Variants in ZNF618 observed in about 807,000 individuals in gnomAD.
ZNF618 encodes the protein zinc finger protein 618.
In ZNF618, 34 loss-of-function variants were observed where a neutral mutation model predicts 103.0. That is an observed-to-expected ratio of 0.33 (90% CI 0.25 to 0.44). The LOEUF (loss-of-function observed/expected upper bound fraction) is 0.44. ZNF618 is among the 20% of genes least tolerant of loss of function. ZNF618 has a pLI of 1.00. For synonymous variants in ZNF618, 551 were observed against 542.2 expected, an observed-to-expected ratio of 1.02 and a Z score of -0.23; for missense variants, 1,059 against 1,295.4, an observed-to-expected ratio of 0.82 and a Z score of 2.80.
chr9:113,944,152 G>A (rs902332738), intron 1 of ZNF618, among the ~76,000 whole-genome samples: 2 of 152,112 alleles, frequency 1.3e-5, no homozygotes, highest in Admixed American at 6.5e-5. Context: ...ATTGAAGATC[G>A]GGGAGAGGGC....
Position 114,036,365 on chromosome 9 carries a change from C to G in ZNF618, c.1234C>G (p.Gln412Glu), listed in dbSNP as rs774842876. 2 of 1,578,230 alleles carry G rather than the reference C, an allele frequency of 1.3e-6. No homozygotes were observed. The highest frequency in any genetic ancestry group is 2.3e-5 in the South Asian group (2 of 85,708). The stretch of plus-strand genomic sequence containing the variant: ...CTACAACAACCTGTTGGAGCACATG[C>G]AGTCCCATGCAGGTAAGTAGGATAC... ...QFYNNLLEHM[Q>E]SHAADNENNI... Residue 412 changes from glutamine to glutamate, a missense_variant, in exon 13 of 15, where the codon CAG (glutamine) becomes GAG (glutamate). Coordinates refer to ENST00000374126, the MANE Select transcript of ZNF618 (RefSeq NM_001318042.2).
chr9:113,998,899 T>A lies in ZNF618; in HGVS notation c.433+545T>A, dbSNP rs1588286697. Among the ~76,000 whole-genome samples the A allele has an allele frequency of 2.0e-5, 3 of 152,352 alleles. No individual in the cohort carries two copies. In the Middle Eastern group the frequency reaches 0.01, roughly 518 times the overall value. On this transcript the variant is annotated intron_variant, in intron 4 of 14. Coordinates refer to ENST00000374126, the MANE Select transcript of ZNF618 (RefSeq NM_001318042.2). ...TGCTAGTAACAGCAGCTGACCTGTA[T>A]CGTGTGCCTGCTGTGGACCAGGCCC...
intron 1 of ZNF618, among the ~76,000 whole-genome samples, chr9:113,899,570 G>A (rs1319330518): frequency 6.6e-6 from 1 of 152,180 alleles, no homozygotes; most frequent in Non-Finnish European, 1.5e-5. Context: ...CTAATGCCTG[G>A]TGATCTGAGG....
At chr9:113,959,301 T>C (rs1385821824) in intron 1 of ZNF618, among the ~76,000 whole-genome samples, 1 of 149,100 alleles carries the variant, frequency 6.7e-6, no homozygotes, top group Non-Finnish European at 1.5e-5. Context: ...AAAAAAAAAG[T>C]GTTTTAAAAA....
At chr9:113,900,525 C>T (rs1830426387) in intron 1 of ZNF618, among the ~76,000 whole-genome samples, 1 of 152,144 alleles carries the variant, frequency 6.6e-6, no homozygotes, top group African/African-American at 2.4e-5. Context: ...TGAGGTGAGG[C>T]AGCAACCCAA....
rs769247937 is a variant in ZNF618 at position 114,056,018 on chromosome 9, T to G, written c.*5851T>G. 1.1e-4 allele frequency: 17 copies of G among 152,442 alleles called. No individual in the cohort carries two copies. Among genetic ancestry groups the G allele is most frequent in the Non-Finnish European group, 1.9e-4 (13 of 68,000 alleles). The allele number at this position is 152,442 out of a possible 1,614,324, so 9.4% of individuals were successfully genotyped here. Reference sequence around the variant, plus strand: ...CCTATTGTCACACTTGCTGTGTTAATTAACAAAAGATGTTGTGTGCGGTCT... The same window carrying G: ...CCTATTGTCACACTTGCTGTGTTAAGTAACAAAAGATGTTGTGTGCGGTCT... On this transcript the variant is annotated 3_prime_UTR_variant, in exon 15 of 15. Transcript: ENST00000374126.
At chr9:113,912,415 A>G (rs894333038) in intron 1 of ZNF618, among the ~76,000 whole-genome samples, 13 of 152,214 alleles carry the variant, frequency 8.5e-5, no homozygotes, top group African/African-American at 2.9e-4. Context: ...GGCCAGGGTA[A>G]GAGCCAGTTT....
intron 1 of ZNF618, among the ~76,000 whole-genome samples, chr9:113,877,126 T>C (rs552462818): frequency 5.6e-4 from 86 of 152,270 alleles, no homozygotes; most frequent in Non-Finnish European, 1.0e-3. Context: ...TCCAGAAGCA[T>C]GGAGACAATT....
In ZNF618 at chr9:114,049,274, A is replaced by G. The variant is rs1845930729; in HGVS notation, c.1972A>G (p.Met658Val). Residue 658 changes from methionine to valine, a missense_variant, in exon 15 of 15, where the codon ATG (methionine) becomes GTG (valine). Met to Val is a conservative substitution (Grantham distance 21). Transcript: ENST00000374126. The part of the protein sequence containing the change: ...LSKRTLQARS[M>V]HEVIELLNVC... ...CAAGCGGACACTGCAGGCCCGCAGC[A>G]TGCACGAGGTCATCGAGCTGCTCAA... 6.2e-7 allele frequency: 1 copy of G among 1,612,596 alleles called. No homozygotes were observed. Among genetic ancestry groups the G allele is most frequent in the African/African-American group, 1.3e-5 (1 of 75,048 alleles).
At chr9:113,928,921 G>A (rs1833333288) in intron 1 of ZNF618, among the ~76,000 whole-genome samples, 2 of 152,152 alleles carry the variant, frequency 1.3e-5, no homozygotes, top group Non-Finnish European at 2.9e-5. Context: ...AGGCTCGACA[G>A]GCTGGAGTTG....
chr9:113,927,494 A>G (rs2131774599), intron 1 of ZNF618, among the ~76,000 whole-genome samples: 1 of 152,354 alleles, frequency 6.6e-6, no homozygotes, highest in Non-Finnish European at 1.5e-5. Flanking sequence ...GTAGTGTTCT[A>G]GAATCCTCTC....
intron 1 of ZNF618, among the ~76,000 whole-genome samples, chr9:113,922,898 T>G (rs955058985): frequency 3.3e-5 from 5 of 152,202 alleles, no homozygotes; most frequent in Non-Finnish European, 7.4e-5. Context: ...TGGAAAGAAA[T>G]GAAATCTTAA....
At chr9:114,047,832 C>T (rs1845792215) in intron 13 of ZNF618, 61 bp from the exon 14 acceptor site, 48 of 1,436,652 alleles carry the variant, frequency 3.3e-5, no homozygotes, top group Non-Finnish European at 4.6e-5. Flanking sequence ...TAGTTCTCAT[C>T]TCGTTCCTCA....
intron 1 of ZNF618, among the ~76,000 whole-genome samples, chr9:113,925,814 A>G (rs1833037028): frequency 6.6e-6 from 1 of 152,100 alleles, no homozygotes; most frequent in Non-Finnish European, 1.5e-5. Context: ...CCCTTCCCTT[A>G]TAACATTGCT....
intron 6 of ZNF618, among the ~76,000 whole-genome samples, chr9:114,003,696 G>A (rs1841470450): frequency 6.6e-6 from 1 of 152,192 alleles, no homozygotes; most frequent in Non-Finnish European, 1.5e-5. Context: ...CGGTTCCCCT[G>A]GGGAAGGGGC....
chr9:113,932,074 A>G (rs1178848729), intron 1 of ZNF618, among the ~76,000 whole-genome samples: 1 of 152,212 alleles, frequency 6.6e-6, no homozygotes, highest in Non-Finnish European at 1.5e-5. Context: ...CCTGACAACT[A>G]AATGATGAAT....
chr9:113,938,406 C>G (rs947991947), intron 1 of ZNF618, among the ~76,000 whole-genome samples: 1 of 151,642 alleles, frequency 6.6e-6, no homozygotes, highest in East Asian at 1.9e-4. Context: ...GTCTTGAACT[C>G]CTGGCTTCAA....
At chr9:113,988,706 C>G in intron 3 of ZNF618, 126 bp downstream of exon 3, 1 of 1,363,444 alleles carries the variant, frequency 7.3e-7, no homozygotes, top group Non-Finnish European at 9.7e-7. Context: ...TGGCTTCCCT[C>G]TGCATTCAGG....
intron 13 of ZNF618, among the ~76,000 whole-genome samples, chr9:114,036,746 A>G (rs1844649685): frequency 6.6e-6 from 1 of 152,194 alleles, no homozygotes. Context: ...GTGAGCAGAG[A>G]CAGAAGGTGG....
Sources: gnomAD v4.1 joint callset for allele counts (sites outside exome capture counted in the v4.1 genomes callset) on GRCh38, gnomAD v4.1.1 for gene constraint, MANE v1.5 for transcripts, NCBI Gene and HGNC (gene_info 2026-07-23, HGNC 2026-07-21) for gene names.